Variants in CEP120 observed in about 807,000 individuals in gnomAD.
The protein encoded by CEP120 is centrosomal protein 120, also known as centrosomal protein of 120 kDa.
CEP120 carries 113 observed loss-of-function variants against 126.5 expected under a neutral mutation model. The ratio of observed to expected loss-of-function variants is 0.89; its 90% CI spans 0.77 to 1.04. CEP120 has a LOEUF of 1.04. Ranked by LOEUF, CEP120 falls within the 50% of genes least tolerant of loss-of-function variation. The probability of loss-of-function intolerance (pLI) is 0.00; values close to 1 mark genes in which losing one functional copy is unlikely to be tolerated. For synonymous variants in CEP120, 400 were observed against 394.3 expected, an observed-to-expected ratio of 1.01 and a Z score of -0.17; for missense variants, 1,230 against 1,155.7, an observed-to-expected ratio of 1.06 and a Z score of -0.93.
chr5:123,422,481 A>G (rs1265790719), intron 1 of CEP120: 4 of 1,533,538 alleles, frequency 2.6e-6, no homozygotes, highest in East Asian at 2.4e-5. Context: ...TAAGGAATGT[A>G]TAATACACCC....
rs1299164759 is a variant in CEP120, at chr5:123,416,113, G to C, written c.218C>G (p.Thr73Ser). The C allele has an allele frequency of 1.9e-6, 3 of 1,601,754 alleles. No individual in the cohort carries two copies. The South Asian group carries it at 3.3e-5, about 18-fold the overall frequency. The change falls in exon 3 of 20, where the codon ACT becomes AGT. Residue 73 changes from threonine (T) to serine (S), a missense_variant. Physicochemically the swap from Thr to Ser is moderately conservative, Grantham distance 58. Transcript: ENST00000306467. ...KALHQHRLQR[T>S]PIKLQCFALD... ...GGCAAAACATTGGAGTTTGATAGGA[G>C]TACGCTGTAGCCTATAACAAAACAT...
chr5:123,418,661 A>G (rs987535808), intron 1 of CEP120, 146 bp from the exon 2 acceptor site: 2 of 611,850 alleles, frequency 3.3e-6, no homozygotes, highest in Non-Finnish European at 5.1e-6. Flanking sequence ...CAGTAGCGCA[A>G]TCTCAGCTCA....
In CEP120 at chr5:123,418,369, G is replaced by A. The variant is rs751682861; in HGVS notation, c.196C>T (p.His66Tyr). ...LAWEIDRKAL[H>Y]QHRLQRTPIK... ...GAAAATGATAATCACCTGTGCTGAT[G>A]AAGCGCTTTCCTGTCAATTTCCCAA... The change falls in exon 2 of 20, where the codon CAT becomes TAT. Residue 66 changes from histidine to tyrosine, a missense_variant. Coordinates refer to ENST00000306467, the MANE Select transcript of CEP120 (RefSeq NM_001375405.1). 9.4e-5 allele frequency: 150 copies of A among 1,601,032 alleles called. No individual in the cohort carries two copies. The Admixed American group carries it at 9.4e-4, about 10-fold the overall frequency.
chr5:123,415,388 G>A (rs1286760749), intron 3 of CEP120, among the ~76,000 whole-genome samples: 5 of 152,220 alleles, frequency 3.3e-5, no homozygotes, highest in Admixed American at 6.5e-5. Context: ...ATTCACTGAA[G>A]CAGGAAACAT....
At position 123,376,874 on chromosome 5, in the gene CEP120, G is replaced by A. The variant is rs143445319; in HGVS notation, c.2358+500C>T. On this transcript the variant is annotated intron_variant, in intron 16 of 19. Coordinates refer to ENST00000306467, the MANE Select transcript of CEP120 (RefSeq NM_001375405.1). Reference sequence around the variant, plus strand: ...GCTTGGAGGAAGTCCAACATGTAACGGCTAAAGGAAGACAAGCCTGCAAAA... The same window carrying A: ...GCTTGGAGGAAGTCCAACATGTAACAGCTAAAGGAAGACAAGCCTGCAAAA... 2.3e-3 allele frequency among the ~76,000 whole-genome samples: 350 copies of A among 152,180 alleles called. 2 individuals are homozygous for A. Among genetic ancestry groups the A allele is most frequent in the African/African-American group, 8.0e-3 (331 of 41,550 alleles).
intron 5 of CEP120, 63 bp from the exon 6 acceptor site, chr5:123,393,560 A>G: frequency 7.8e-7 from 1 of 1,289,020 alleles, no homozygotes; most frequent in Non-Finnish European, 1.1e-6. Flanking sequence ...TGCTTAGTGT[A>G]TCTATTACAT....
intron 18 of CEP120, among the ~76,000 whole-genome samples, chr5:123,350,531 A>G (rs1769135614): frequency 6.6e-6 from 1 of 152,248 alleles, no homozygotes; most frequent in Non-Finnish European, 1.5e-5. Flanking sequence ...GTTGAAGGCA[A>G]GAAAGAGGGT....
chr5:123,393,514 A>G lies in CEP120; in HGVS notation c.613-17T>C, dbSNP rs781752958. On this transcript the variant is annotated splice_polypyrimidine_tract_variant and intron_variant, in intron 5 of 19. Coordinates refer to ENST00000306467, the MANE Select transcript of CEP120 (RefSeq NM_001375405.1). The stretch of plus-strand genomic sequence containing the variant: ...TGGAATTAACTAAACATTTCAGGAA[A>G]AAGAAAACAGTTATTACTTTCTAAA... The G allele has an allele frequency of 4.4e-6, 7 of 1,599,144 alleles. No individual in the cohort carries two copies. The highest frequency in any genetic ancestry group is 1.3e-5 in the African/African-American group (1 of 74,558).
At chr5:123,422,607 A>G in intron 1 of CEP120, 2 of 1,432,096 alleles carry the variant, frequency 1.4e-6, no homozygotes, top group East Asian at 2.5e-5. Flanking sequence ...TACAAGTGCT[A>G]TTATTGGGAA....
Position 123,412,529 on chromosome 5 carries a change from C to A in CEP120, c.333G>T (p.Trp111Cys). ...TGTATTTATTACTCAGCAACTGGTACCATTTTGGTGCCTAGAGAATAATAA... is the reference window on the plus strand; with the variant it reads ...TGTATTTATTACTCAGCAACTGGTAACATTTTGGTGCCTAGAGAATAATAA... ...TAQETKQAPK[W>C]YQLLSNKYTK... The change falls in exon 4 of 20, where the codon TGG becomes TGT. Residue 111 changes from tryptophan (W) to cysteine (C), a missense_variant. By Grantham distance (215) the Trp-to-Cys change is radical (BLOSUM62 -2). Transcript: ENST00000306467. 1 of 1,595,494 alleles carries A rather than the reference C, an allele frequency of 6.3e-7. No homozygotes were observed. Among genetic ancestry groups the A allele is most frequent in the Admixed American group, 1.8e-5 (1 of 56,286 alleles).
chr5:123,391,591 A>G (rs1031353073), intron 6 of CEP120, among the ~76,000 whole-genome samples: 6 of 130,086 alleles, frequency 4.6e-5, no homozygotes, highest in Non-Finnish European at 8.6e-5. Context: ...TTACATAATC[A>G]TATGTTATTG....
rs187282413 is a variant in CEP120 at position 123,415,445 on chromosome 5, A to G, written c.321+565T>C. Among the ~76,000 whole-genome samples the G allele has an allele frequency of 3.6e-4, 55 of 152,382 alleles. 1 individual carries two copies. Among genetic ancestry groups the G allele is most frequent in the Admixed American group, 3.1e-3 (47 of 15,308 alleles). The stretch of plus-strand genomic sequence containing the variant: ...TAAAAGGAAAGCTCAGGGGCTAGGC[A>G]TGTTAAGCTTCCGGTAATAGCAACT... On this transcript the variant is annotated intron_variant, in intron 3 of 19. Coordinates refer to ENST00000306467, the MANE Select transcript of CEP120 (RefSeq NM_001375405.1).
At chr5:123,396,999 T>G (rs1162248058) in intron 5 of CEP120, among the ~76,000 whole-genome samples, 1 of 152,184 alleles carries the variant, frequency 6.6e-6, no homozygotes, top group Non-Finnish European at 1.5e-5. Flanking sequence ...CAATTATGCT[T>G]CCCTAAGGAG....
intron 18 of CEP120, among the ~76,000 whole-genome samples, chr5:123,351,909 T>C (rs1054923479): frequency 6.6e-6 from 1 of 152,158 alleles, no homozygotes; most frequent in Non-Finnish European, 1.5e-5. Context: ...CAAAGTAGTC[T>C]TATCAATTCA....
chr5:123,359,287 CA>C (rs1769890788), intron 18 of CEP120, among the ~76,000 whole-genome samples: 1 of 152,034 alleles, frequency 6.6e-6, no homozygotes, highest in African/African-American at 2.4e-5. Context: ...TGGGAACAAA[CA>C]TACCTACTCT....
At chr5:123,417,769 T>C (rs1000398734) in intron 2 of CEP120, among the ~76,000 whole-genome samples, 1 of 151,434 alleles carries the variant, frequency 6.6e-6, no homozygotes, top group Admixed American at 6.6e-5. Flanking sequence ...GCTTAGGCTC[T>C]GAAGCTGGAT....
intron 4 of CEP120, among the ~76,000 whole-genome samples, chr5:123,409,989 A>ACCAC (rs1217514404): frequency 2.0e-5 from 2 of 98,430 alleles, no homozygotes; most frequent in Admixed American, 2.3e-4. Flanking sequence ...AAAAAAAAAA[A>ACCAC]AACCACACAC....
At chr5:123,414,867 G>A (rs953774887) in intron 3 of CEP120, among the ~76,000 whole-genome samples, 4 of 150,572 alleles carry the variant, frequency 2.7e-5, no homozygotes, top group Non-Finnish European at 4.4e-5. Flanking sequence ...AGCTACTGGG[G>A]AGGCTGAGGC....
At chr5:123,378,127 C>G (rs1466407691) in intron 15 of CEP120, among the ~76,000 whole-genome samples, 1 of 132,386 alleles carries the variant, frequency 7.6e-6, no homozygotes, top group African/African-American at 2.7e-5. Context: ...ACTAATAACA[C>G]CACTTTCCAC....
Sources: gnomAD v4.1 joint callset for allele counts (sites outside exome capture counted in the v4.1 genomes callset) on GRCh38, gnomAD v4.1.1 for gene constraint, MANE v1.5 for transcripts, NCBI Gene and HGNC (gene_info 2026-07-23, HGNC 2026-07-21) for gene names.